IQCJ: variants seen among roughly 807,000 people sequenced by gnomAD.
IQCJ encodes IQ domain-containing protein J.
In IQCJ, 9 loss-of-function variants were observed where a neutral mutation model predicts 11.0. The observed-to-expected ratio is 0.82, with a 90% CI of 0.49 to 1.43. The LOEUF is 1.43. Ranked by LOEUF, IQCJ falls within the 40% of genes most tolerant of loss-of-function variation. The pLI, the probability that IQCJ is intolerant of heterozygous loss-of-function variation, is 0.00. For synonymous variants in IQCJ, 55 were observed against 51.3 expected (o/e 1.07, Z -0.31); for missense variants, 146 against 133.2 (o/e 1.10, Z -0.47).
chr3:159,084,847 T>C (rs1559977958), intron 1 of IQCJ, among the ~76,000 whole-genome samples: 2 of 152,120 alleles, frequency 1.3e-5, no homozygotes, highest in African/African-American at 4.8e-5. Context: ...GGATTTACTC[T>C]AGTCCTGTCT....
At chr3:159,079,391 G>A (rs886848202) in intron 1 of IQCJ, among the ~76,000 whole-genome samples, 4 of 152,072 alleles carry the variant, frequency 2.6e-5, no homozygotes, top group African/African-American at 9.7e-5. Context: ...TGAAATCTGA[G>A]AAGCCAGAGT....
chr3:159,076,539 C>T (rs1463266667), intron 1 of IQCJ, among the ~76,000 whole-genome samples: 2 of 151,992 alleles, frequency 1.3e-5, no homozygotes, highest in Non-Finnish European at 2.9e-5. Flanking sequence ...CAACTAGTTC[C>T]TAAAAAGAAG....
intron 1 of IQCJ, among the ~76,000 whole-genome samples, chr3:159,225,638 A>G (rs183452617): frequency 7.3e-4 from 111 of 152,204 alleles, no homozygotes; most frequent in African/African-American, 2.6e-3. Context: ...TTTTAGTCAC[A>G]ACACTTCTGA....
At chr3:159,150,769 A>T (rs1721168313) in intron 1 of IQCJ, among the ~76,000 whole-genome samples, 1 of 152,168 alleles carries the variant, frequency 6.6e-6, no homozygotes, top group Admixed American at 6.5e-5. Flanking sequence ...TGCCTCTGTT[A>T]GACTGCCCCA....
intron 1 of IQCJ, among the ~76,000 whole-genome samples, chr3:159,189,583 G>C (rs1366939416): frequency 6.6e-6 from 1 of 152,180 alleles, no homozygotes; most frequent in East Asian, 1.9e-4. Flanking sequence ...GAAACTAATT[G>C]TGTGTACTTT....
intron 1 of IQCJ, among the ~76,000 whole-genome samples, chr3:159,228,383 T>C (rs1387429508): frequency 6.6e-6 from 1 of 152,238 alleles, no homozygotes; most frequent in Non-Finnish European, 1.5e-5. Context: ...CTACTTGTTA[T>C]GAAGCAATTT....
At chr3:159,220,096 T>G (rs945472000) in intron 1 of IQCJ, among the ~76,000 whole-genome samples, 1 of 152,202 alleles carries the variant, frequency 6.6e-6, no homozygotes, top group East Asian at 1.9e-4. Context: ...ATGTGCTCCC[T>G]TAAGAGTCTT....
rs149612497 is a variant in IQCJ, at chr3:159,152,234, C to T, written c.9+82793C>T. On this transcript the variant is annotated intron_variant, in intron 1 of 3. Coordinates refer to ENST00000397832, the MANE Select transcript of IQCJ (RefSeq NM_001042706.3). The stretch of plus-strand genomic sequence containing the variant: ...ACTGTTCCTGAGAGCTGTTCCGTAA[C>T]GTAATGATGGCTGTGAAATCAGGTC... Among the ~76,000 whole-genome samples the T allele has an allele frequency of 2.6e-3, 395 of 152,266 alleles. 1 individual carries two copies. The highest frequency in any genetic ancestry group is 9.0e-3 in the African/African-American group (372 of 41,542).
At chr3:159,119,962 A>G (rs1719259233) in intron 1 of IQCJ, among the ~76,000 whole-genome samples, 1 of 152,220 alleles carries the variant, frequency 6.6e-6, no homozygotes, top group African/African-American at 2.4e-5. Flanking sequence ...CTCTAGTATG[A>G]GATCCATTAT....
chr3:159,142,432 C>A (rs558422484), intron 1 of IQCJ, among the ~76,000 whole-genome samples: 2 of 149,008 alleles, frequency 1.3e-5, no homozygotes, highest in South Asian at 2.1e-4. Flanking sequence ...TTCCCCCCCC[C>A]ACCAGATGGA....
chr3:159,149,066 A>G (rs1721063207), intron 1 of IQCJ, among the ~76,000 whole-genome samples: 1 of 152,240 alleles, frequency 6.6e-6, no homozygotes, highest in Non-Finnish European at 1.5e-5. Flanking sequence ...AATAATTAAA[A>G]TAAACAAATG....
chr3:159,261,227 G>A (rs973621434), intron 3 of IQCJ, among the ~76,000 whole-genome samples: 1 of 152,160 alleles, frequency 6.6e-6, no homozygotes, highest in African/African-American at 2.4e-5. Flanking sequence ...GAGTTTAGAA[G>A]AGATAGTGAT....
At chr3:159,107,721 A>AT (rs1718351554) in intron 1 of IQCJ, among the ~76,000 whole-genome samples, 1 of 152,216 alleles carries the variant, frequency 6.6e-6, no homozygotes. Flanking sequence ...TTGGTACTCC[A>AT]TTTTATGGAT....
At chr3:159,262,282 A>G (rs187955076) in intron 3 of IQCJ, among the ~76,000 whole-genome samples, 234 of 152,356 alleles carry the variant, frequency 1.5e-3, no homozygotes, top group African/African-American at 5.5e-3. Flanking sequence ...TGACTGATGA[A>G]TTTTATTATT....
chr3:159,201,185 A>T (rs1255491519), intron 1 of IQCJ, among the ~76,000 whole-genome samples: 1 of 152,224 alleles, frequency 6.6e-6, no homozygotes, highest in African/African-American at 2.4e-5. Context: ...ACTGAAAAGT[A>T]ATAGGCTGAT....
chr3:159,197,070 G>A (rs1380389274), intron 1 of IQCJ, among the ~76,000 whole-genome samples: 1 of 149,570 alleles, frequency 6.7e-6, no homozygotes, highest in Non-Finnish European at 1.5e-5. Flanking sequence ...ATTTAAGATT[G>A]ATCCTGAATT....
At position 159,094,232 on chromosome 3, in the gene IQCJ, G is replaced by A. The variant is rs369272464; in HGVS notation, c.9+24791G>A. Among the ~76,000 whole-genome samples, 3 of 151,292 alleles carry A rather than the reference G, an allele frequency of 2.0e-5. No homozygotes were observed. The East Asian group carries it at 5.8e-4, about 29-fold the overall frequency. On this transcript the variant is annotated intron_variant, in intron 1 of 3. Transcript: ENST00000397832. Reference sequence around the variant, plus strand: ...GCCACTGGGGACAAAGACAAATATTGGCCTCAAGGTTCTTATGTTTGGTTA... The same window carrying A: ...GCCACTGGGGACAAAGACAAATATTAGCCTCAAGGTTCTTATGTTTGGTTA...
chr3:159,196,076 G>A (rs1723966207), intron 1 of IQCJ, among the ~76,000 whole-genome samples: 1 of 152,104 alleles, frequency 6.6e-6, no homozygotes, highest in African/African-American at 2.4e-5. Context: ...TTTTAGATGA[G>A]GAAAGTAAAA....
At position 159,088,386 on chromosome 3, in the gene IQCJ, G is replaced by A. The variant is rs534787549; in HGVS notation, c.9+18945G>A. Among the ~76,000 whole-genome samples the A allele has an allele frequency of 3.1e-3, 474 of 152,246 alleles. 5 individuals carry two copies. The highest frequency in any genetic ancestry group is 0.01 in the African/African-American group (435 of 41,534). On this transcript the variant is annotated intron_variant, in intron 1 of 3. Transcript: ENST00000397832. ...TGTGTGGTGTGGTGCTGAAAAAAAT[G>A]TATATTCTGTTGATTTGGGGTGGAG...
Sources: gnomAD v4.1 joint callset for allele counts (sites outside exome capture counted in the v4.1 genomes callset) on GRCh38, gnomAD v4.1.1 for gene constraint, MANE v1.5 for transcripts, NCBI Gene and HGNC (gene_info 2026-07-23, HGNC 2026-07-21) for gene names.